Variants in PSMG2 observed in about 807,000 individuals in gnomAD.
PSMG2 encodes the protein proteasome assembly chaperone 2.
In PSMG2, 21 loss-of-function variants were observed where a neutral mutation model predicts 31.5. That is an observed-to-expected ratio of 0.67 (90% CI 0.47 to 0.96). The LOEUF is 0.96. Ranked by LOEUF, PSMG2 falls within the 40% of genes least tolerant of loss-of-function variation. The pLI is 0.00. For missense variants in PSMG2, 318 were observed against 321.2 expected (o/e 0.99, Z 0.08); for synonymous variants, 120 against 110.4 (o/e 1.09, Z -0.54).
intron 1 of PSMG2, among the ~76,000 whole-genome samples, chr18:12,671,353 A>G (rs1484026429): frequency 6.6e-6 from 1 of 152,216 alleles, no homozygotes; most frequent in Non-Finnish European, 1.5e-5. Flanking sequence ...TTGGATAGCC[A>G]ACTGGTATAG....
upstream of PSMG2, chr18:12,702,323 T>C: frequency 1.7e-6 from 1 of 574,726 alleles, no homozygotes; most frequent in East Asian, 3.3e-5. Context: ...ACGAGGACGC[T>C]CTCCTGCCTC....
chr18:12,659,531 G>A (rs144968298), intron 1 of PSMG2, among the ~76,000 whole-genome samples: 87 of 152,210 alleles, frequency 5.7e-4, no homozygotes, highest in African/African-American at 1.9e-3. Flanking sequence ...TTAGCCGAGT[G>A]TGGTGACGCA....
chr18:12,659,396 A>T lies in PSMG2; in HGVS notation c.-37+623A>T, dbSNP rs1032928996. ...AAGAAATTGAAAGAGGGCCGTGCGCAGTGGCTTAGGCCTGTAATCCCAGCA... is the reference window on the plus strand; with the variant it reads ...AAGAAATTGAAAGAGGGCCGTGCGCTGTGGCTTAGGCCTGTAATCCCAGCA... On this transcript the variant is annotated intron_variant, in intron 1 of 6. Coordinates refer to the PSMG2 transcript ENST00000585331. Among the ~76,000 whole-genome samples the T allele has an allele frequency of 2.6e-5, 4 of 152,298 alleles. No homozygotes were observed. In the East Asian group the frequency reaches 7.7e-4, roughly 29 times the overall value.
chr18:12,692,994 T>A (rs1409867944), intron 1 of PSMG2, among the ~76,000 whole-genome samples: 2 of 152,164 alleles, frequency 1.3e-5, no homozygotes, highest in East Asian at 3.8e-4. Context: ...AGTTAATTTT[T>A]AAAAATTTTT....
intron 1 of PSMG2, among the ~76,000 whole-genome samples, chr18:12,697,818 AGC>A: frequency 6.7e-6 from 1 of 149,640 alleles, no homozygotes; most frequent in Admixed American, 6.6e-5. Context: ...TGAAAAATAC[AGC>A]ACATCGAATC....
At chr18:12,702,730 C>T, upstream of PSMG2, 1 of 650,756 alleles carries the variant, frequency 1.5e-6, no homozygotes, top group East Asian at 3.1e-5. Context: ...AAATGAGGCC[C>T]CGGCGGCGGC....
chr18:12,701,866 CA>C (rs1285423090), upstream of PSMG2, among the ~76,000 whole-genome samples: 1 of 152,244 alleles, frequency 6.6e-6, no homozygotes, highest in Non-Finnish European at 1.5e-5. Context: ...CGCGGAGGCT[CA>C]CGCCTGTAAT....
intron 1 of PSMG2, chr18:12,673,485 T>C (rs372117728): frequency 2.9e-5 from 46 of 1,583,810 alleles, no homozygotes; most frequent in Non-Finnish European, 3.8e-5. Context: ...AACAGATTAT[T>C]TCTTCACAGA....
intron 3 of PSMG2, among the ~76,000 whole-genome samples, chr18:12,717,997 T>C (rs1306802079): frequency 6.7e-6 from 1 of 150,032 alleles, no homozygotes; most frequent in South Asian, 2.1e-4. Context: ...TTGATTTCTT[T>C]TCTTTTTCTT....
intron 1 of PSMG2, chr18:12,686,014 T>G (rs868536313): frequency 3.1e-6 from 1 of 323,980 alleles, no homozygotes; most frequent in South Asian, 4.3e-5. Flanking sequence ...AAAATCTCAA[T>G]ACAATGTAAA....
chr18:12,718,637 T>A lies in PSMG2; in HGVS notation c.407+2T>A, dbSNP rs1395264423. The A allele has an allele frequency of 6.3e-7, 1 of 1,587,114 alleles. No homozygotes were observed. The highest frequency in any genetic ancestry group is 8.6e-7 in the Non-Finnish European group (1 of 1,160,976). On this transcript the variant is annotated splice_donor_variant, in intron 4 of 6. Coordinates refer to ENST00000317615, the MANE Select transcript of PSMG2 (RefSeq NM_020232.5). LOFTEE classifies it high-confidence loss of function. The stretch of plus-strand genomic sequence containing the variant: ...GCGTAATGATCTGCAGCTTCGTAGG[T>A]ATGTTTCTGCCTCTGGAAAGTTATT...
intron 1 of PSMG2, among the ~76,000 whole-genome samples, chr18:12,705,360 G>A (rs940051336): frequency 5.3e-5 from 8 of 152,060 alleles, no homozygotes; most frequent in Admixed American, 1.3e-4. Context: ...CACCATGCCC[G>A]GCGCCCTTTT....
At position 12,703,223 on chromosome 18, in the gene PSMG2, C is replaced by T. The variant is rs1598675625; in HGVS notation, c.57+59C>T. The T allele has an allele frequency of 7.8e-6, 12 of 1,529,066 alleles. No homozygotes were observed. In the East Asian group the frequency reaches 2.7e-4, roughly 34 times the overall value. 94.7% of individuals were successfully genotyped at this position (1,529,066 alleles called of 1,614,324 possible). ...CCCGAGGCCCCTGCGGTGTCGCCAC[C>T]CCGACGCGGGGTGTTTGGCGGTGCC... On this transcript the variant is annotated intron_variant, in intron 1 of 6. Transcript: ENST00000317615.
At chr18:12,705,578 T>A (rs140941633) in intron 1 of PSMG2, among the ~76,000 whole-genome samples, 3,513 of 115,142 alleles carry the variant, frequency 0.031, 105 homozygotes, top group African/African-American at 0.097. Flanking sequence ...AGAGAGAGAG[T>A]GTGTGTGTGT....
At chr18:12,712,139 T>C (rs1298875024) in intron 2 of PSMG2, among the ~76,000 whole-genome samples, 1 of 152,206 alleles carries the variant, frequency 6.6e-6, no homozygotes. Flanking sequence ...TGATGAAAGC[T>C]ATGGATCCTT....
intron 1 of PSMG2, among the ~76,000 whole-genome samples, chr18:12,688,939 C>A (rs1322054452): frequency 1.3e-5 from 2 of 152,054 alleles, no homozygotes; most frequent in African/African-American, 2.4e-5. Context: ...ACAGTGAAAC[C>A]CCATCTCTAC....
chr18:12,688,279 G>A (rs78908311), intron 1 of PSMG2, among the ~76,000 whole-genome samples: 11,283 of 148,164 alleles, frequency 0.076, 594 homozygotes, highest in Middle Eastern at 0.16. Flanking sequence ...TTCAATTTCT[G>A]TAACTTATTT....
intron 1 of PSMG2, among the ~76,000 whole-genome samples, chr18:12,690,946 C>CT (rs907317825): frequency 3.3e-5 from 5 of 151,552 alleles, no homozygotes; most frequent in East Asian, 3.9e-4. Context: ...AGAGCCCCCC[C>CT]CCGTTCTGCA....
Position 12,725,617 on chromosome 18 carries a change from T to C in PSMG2, c.*86T>C, listed in dbSNP as rs1210349048. 2.4e-5 allele frequency: 22 copies of C among 935,922 alleles called. No homozygotes were observed. Among genetic ancestry groups the C allele is most frequent in the African/African-American group, 6.9e-5 (4 of 58,210 alleles). 58.0% of individuals were successfully genotyped at this position (935,922 alleles called of 1,614,324 possible). On this transcript the variant is annotated 3_prime_UTR_variant, in exon 7 of 7. Transcript: ENST00000317615. Reference sequence around the variant, plus strand: ...TTCTATACAAAAAAATTGTATGATCTGGTATTAGGAAATTACTTTCACAGT... The same window carrying C: ...TTCTATACAAAAAAATTGTATGATCCGGTATTAGGAAATTACTTTCACAGT...
Sources: gnomAD v4.1 joint callset for allele counts (sites outside exome capture counted in the v4.1 genomes callset) on GRCh38, gnomAD v4.1.1 for gene constraint, MANE v1.5 for transcripts, NCBI Gene and HGNC (gene_info 2026-07-23, HGNC 2026-07-21) for gene names.